The following RIMBP2 variants were observed in gnomAD, a reference collection of about 807,000 sequenced individuals.
The protein encoded by RIMBP2 is RIMS binding protein 2.
Under a neutral mutation model 118.6 loss-of-function variants are expected in RIMBP2, and 48 were observed. The ratio of observed to expected loss-of-function variants is 0.40; its 90% CI spans 0.32 to 0.51. RIMBP2 has a LOEUF of 0.51. Ranked by LOEUF, RIMBP2 falls within the 20% of genes least tolerant of loss-of-function variation. The pLI, the probability that RIMBP2 is intolerant of heterozygous loss-of-function variation, is 0.41. For synonymous variants in RIMBP2, 762 were observed against 742.9 expected, an observed-to-expected ratio of 1.03 and a Z score of -0.42; for missense variants, 1,551 against 1,768.3, an observed-to-expected ratio of 0.88 and a Z score of 2.20.
chr12:130,698,751 G>T (rs1226500326), intron 1 of RIMBP2, among the ~76,000 whole-genome samples: 6 of 152,106 alleles, frequency 3.9e-5, no homozygotes, highest in African/African-American at 1.4e-4. Flanking sequence ...AAACTAAAGA[G>T]CTTCTGCACA....
chr12:130,481,182 A>T (rs1207582215), intron 4 of RIMBP2, among the ~76,000 whole-genome samples: 1 of 152,020 alleles, frequency 6.6e-6, no homozygotes, highest in Admixed American at 6.5e-5. Flanking sequence ...GCTCAGGGGG[A>T]GGGGTGTGGC....
In RIMBP2 at chr12:130,646,334, A is replaced by G. The variant is rs112388124; in HGVS notation, c.-351-17878T>C. On this transcript the variant is annotated intron_variant, in intron 1 of 22. Coordinates refer to ENST00000690449, the MANE Select transcript of RIMBP2 (RefSeq NM_001393629.1). ...CACCACTTCCCTCTCCACCTGCCTC[A>G]CCACCTCCCTCACCACCTCCCTCAC... Among the ~76,000 whole-genome samples the G allele has an allele frequency of 1.7e-3, 32 of 19,102 alleles. 2 individuals are homozygous for G. Among genetic ancestry groups the G allele is most frequent in the South Asian group, 2.2e-3 (1 of 452 alleles). The allele number at this position is 19,102 out of a possible 152,430, so 12.5% of individuals were successfully genotyped here. A position where few individuals can be genotyped will look rare whatever the true frequency, so the allele number is the denominator to read the frequency against.
intron 1 of RIMBP2, among the ~76,000 whole-genome samples, chr12:130,637,996 T>C (rs2062428736): frequency 6.6e-6 from 1 of 152,190 alleles, no homozygotes; most frequent in Non-Finnish European, 1.5e-5. Flanking sequence ...TGGGTTCTAA[T>C]GTCCTCTGAA....
chr12:130,671,672 C>T (rs777153601), intron 1 of RIMBP2, among the ~76,000 whole-genome samples: 8 of 152,102 alleles, frequency 5.3e-5, no homozygotes, highest in East Asian at 1.9e-4. Context: ...TTTGCAGCAC[C>T]GCTGGCTTCT....
rs2065973500 is a variant in RIMBP2 at position 130,703,831 on chromosome 12, GAGAT to G, written c.-352+12387_-352+12390del. Reference sequence around the variant, plus strand: ...CTTAGGAAATACAGAGAGAGAGAGAGAGATCGATCTAGAAGCACGGAGGGAACCC... The same window carrying G: ...CTTAGGAAATACAGAGAGAGAGAGAGCGATCTAGAAGCACGGAGGGAACCC... On this transcript the variant is annotated intron_variant, in intron 1 of 22. Transcript: ENST00000690449. The surrounding 1 kb of genome is among the most constrained non-coding windows in gnomAD (Gnocchi z 5.7). 7.8e-6 allele frequency among the ~76,000 whole-genome samples: 1 copy of G among 127,412 alleles called. No individual in the cohort carries two copies. Among genetic ancestry groups the G allele is most frequent in the Non-Finnish European group, 1.8e-5 (1 of 55,578 alleles). The allele number at this position is 127,412 out of a possible 152,430, so 83.6% of individuals were successfully genotyped here.
At chr12:130,490,424 A>G (rs1350965807) in intron 4 of RIMBP2, among the ~76,000 whole-genome samples, 1 of 152,194 alleles carries the variant, frequency 6.6e-6, no homozygotes, top group Admixed American at 6.5e-5. Context: ...CTATTAAAAA[A>G]TAAATGGTTT....
At chr12:130,644,431 G>A (rs982297023) in intron 1 of RIMBP2, among the ~76,000 whole-genome samples, 7 of 152,180 alleles carry the variant, frequency 4.6e-5, no homozygotes, top group South Asian at 4.1e-4. Flanking sequence ...ATCGCACATC[G>A]ATCTGGACTC....
chr12:130,667,199 G>A (rs1296277407), intron 1 of RIMBP2: 2 of 147,284 alleles, frequency 1.4e-5, no homozygotes, highest in Non-Finnish European at 3.0e-5. Flanking sequence ...GGCAAGGAGT[G>A]AGGGAGGGAG....
chr12:130,433,831 C>A (rs1593277047), intron 14 of RIMBP2, among the ~76,000 whole-genome samples: 1 of 152,316 alleles, frequency 6.6e-6, no homozygotes, highest in East Asian at 1.9e-4. Context: ...ACACTGAGAG[C>A]CAAAAATCCA....
intron 2 of RIMBP2, among the ~76,000 whole-genome samples, chr12:130,582,069 T>A (rs1270537294): frequency 2.6e-5 from 4 of 152,016 alleles, no homozygotes; most frequent in Non-Finnish European, 4.4e-5. Flanking sequence ...ACGTAAGGTC[T>A]TTCAGAGAAG....
In RIMBP2 at chr12:130,442,590, C is replaced by A; in HGVS notation, c.762G>T (p.Ser254=). The change falls in exon 11 of 23, where the codon TCG becomes TCT. Residue 254 remains serine (S), a synonymous_variant. Transcript: ENST00000690449. The surrounding 1 kb of genome is among the most constrained non-coding windows in gnomAD (Gnocchi z 6.9). ...NFVDFVQDNE[S]RLASTLGNEQ... ...CGTTCCCCAGCGTGCTTGCCAACCG[C>A]GACTCGTTGTCCTGCACAAAGTCCA... 6.2e-7 allele frequency: 1 copy of A among 1,614,206 alleles called. No individual in the cohort carries two copies. The highest frequency in any genetic ancestry group is 8.5e-7 in the Non-Finnish European group (1 of 1,180,028).
At chr12:130,573,394 G>A (rs906767077) in intron 2 of RIMBP2, among the ~76,000 whole-genome samples, 8 of 30,984 alleles carry the variant, frequency 2.6e-4, no homozygotes, top group Non-Finnish European at 4.0e-4. Context: ...GTGTTCGCGC[G>A]TGTGTGTGCG....
chr12:130,541,983 CA>C (rs1366186859), intron 2 of RIMBP2, among the ~76,000 whole-genome samples: 2 of 152,226 alleles, frequency 1.3e-5, no homozygotes, highest in Non-Finnish European at 2.9e-5. Flanking sequence ...CAACCATACT[CA>C]GGGGCTCTAA....
At position 130,442,800 on chromosome 12, in the gene RIMBP2, G is replaced by T; in HGVS notation, c.692-140C>A. 1 of 676,198 alleles carries T rather than the reference G, an allele frequency of 1.5e-6. No individual in the cohort carries two copies. Among genetic ancestry groups the T allele is most frequent in the Non-Finnish European group, 2.5e-6 (1 of 403,360 alleles). The allele number at this position is 676,198 out of a possible 1,614,324, so 41.9% of individuals were successfully genotyped here. A position where few individuals can be genotyped will look rare whatever the true frequency, so the allele number is the denominator to read the frequency against. ...TGGGGCTCCTCCGCTGTTCCCAGGAGTCCATGCTGGGGCCAGCTCCACACC... is the reference window on the plus strand; with the variant it reads ...TGGGGCTCCTCCGCTGTTCCCAGGATTCCATGCTGGGGCCAGCTCCACACC... On this transcript the variant is annotated intron_variant, in intron 10 of 22. Coordinates refer to ENST00000690449, the MANE Select transcript of RIMBP2 (RefSeq NM_001393629.1). The surrounding 1 kb of genome is among the most constrained non-coding windows in gnomAD (Gnocchi z 6.9).
At chr12:130,435,697 A>G (rs190002351) in intron 13 of RIMBP2, among the ~76,000 whole-genome samples, 2 of 152,360 alleles carry the variant, frequency 1.3e-5, no homozygotes, top group Admixed American at 1.3e-4. Flanking sequence ...GAAAGGCCAC[A>G]AATTCATGTT....
In RIMBP2 at chr12:130,623,979, C is replaced by A. The variant is rs1319781865; in HGVS notation, c.-217+4343G>T. 2.0e-5 allele frequency among the ~76,000 whole-genome samples: 3 copies of A among 152,228 alleles called. No homozygotes were observed. The highest frequency in any genetic ancestry group is 6.5e-5 in the Admixed American group (1 of 15,286). ...TGCCCTGTCTCACTTCCACACTCCC[C>A]TCCCAAAATTTCCTGGGGTCACCTT... On this transcript the variant is annotated intron_variant, in intron 2 of 22. Transcript: ENST00000690449. This position sits in a 1 kb window ranked among gnomAD's most constrained non-coding sequence, Gnocchi z 4.1.
chr12:130,542,368 TCTA>T (rs2139575159), intron 2 of RIMBP2, among the ~76,000 whole-genome samples: 2 of 152,304 alleles, frequency 1.3e-5, no homozygotes, highest in East Asian at 3.9e-4. Flanking sequence ...TCAAATCTAG[TCTA>T]CAATACTCTT....
Position 130,478,064 on chromosome 12 carries a change from GGA to G in RIMBP2, c.102+846_102+847del, listed in dbSNP as rs550091323. On this transcript the variant is annotated intron_variant, in intron 5 of 22. Transcript: ENST00000690449. ...GGGAGCACCACCCTCCTACCTATCT[GGA>G]GAGAGACAGCAGGACCGTGGCTGAG... is the stretch of plus-strand genomic sequence containing the variant. 9.8e-5 allele frequency among the ~76,000 whole-genome samples: 15 copies of G among 152,310 alleles called. No individual in the cohort carries two copies. The South Asian group carries it at 3.1e-3, about 32-fold the overall frequency.
Position 130,517,894 on chromosome 12 carries a change from G to A in RIMBP2, c.-193C>T. ...GGGATCTCAGGAGATACTCTCCCTG[G>A]GTGGCATCCTTCAGTTCATTTTCCT... On this transcript the variant is annotated 5_prime_UTR_variant, in exon 3 of 23. Coordinates refer to ENST00000690449, the MANE Select transcript of RIMBP2 (RefSeq NM_001393629.1). The A allele has an allele frequency of 1.0e-6, 1 of 985,664 alleles. No homozygotes were observed. The highest frequency in any genetic ancestry group is 1.2e-6 in the Non-Finnish European group (1 of 829,776). The allele number at this position is 985,664 out of a possible 1,614,324, so 61.1% of individuals were successfully genotyped here.
Sources: allele counts gnomAD v4.1 joint callset (sites outside exome capture counted in the v4.1 genomes callset), GRCh38; gene constraint gnomAD v4.1.1; non-coding constraint Gnocchi (gnomAD v3.1); transcripts MANE v1.5; gene names NCBI Gene and HGNC (gene_info 2026-07-23, HGNC 2026-07-21).